GMPR: variants seen among roughly 807,000 people sequenced by gnomAD.
The protein encoded by GMPR is GMP reductase 1.
GMPR carries 31 observed loss-of-function variants against 38.4 expected under a neutral mutation model. The observed-to-expected ratio is 0.81, with a 90% CI of 0.61 to 1.09. The LOEUF is 1.09. Ranked by LOEUF, GMPR falls within the 50% of genes least tolerant of loss-of-function variation. The pLI is 0.00. For missense variants in GMPR, 468 were observed against 453.7 expected (o/e 1.03, Z -0.29); for synonymous variants, 162 against 173.3 (o/e 0.93, Z 0.51).
intron 4 of GMPR, among the ~76,000 whole-genome samples, chr6:16,268,687 A>G (rs1286013420): frequency 6.6e-6 from 1 of 152,082 alleles, no homozygotes; most frequent in African/African-American, 2.4e-5. Flanking sequence ...TATGGAAAGG[A>G]TTTTTCTTGC....
chr6:16,267,265 G>A (rs185044080), intron 4 of GMPR, among the ~76,000 whole-genome samples: 1,683 of 152,156 alleles, frequency 0.011, 14 homozygotes, highest in Non-Finnish European at 0.017. Flanking sequence ...CCAGCTACTC[G>A]GGAGGCTGAG....
chr6:16,258,004 T>A (rs1335113462), intron 4 of GMPR: 2 of 152,196 alleles, frequency 1.3e-5, no homozygotes, highest in African/African-American at 4.8e-5. Context: ...TTTCTGAATC[T>A]CACTTTCCTC....
intron 4 of GMPR, among the ~76,000 whole-genome samples, chr6:16,270,441 C>T (rs1759361416): frequency 6.6e-6 from 1 of 152,200 alleles, no homozygotes; most frequent in African/African-American, 2.4e-5. Context: ...CCGCTCCACA[C>T]CCAAGGTGCT....
intron 4 of GMPR, among the ~76,000 whole-genome samples, chr6:16,266,549 T>A (rs1759237306): frequency 6.6e-6 from 1 of 150,792 alleles, no homozygotes; most frequent in Non-Finnish European, 1.5e-5. Context: ...ACGCCTGTAA[T>A]CCTGGCACTT....
At chr6:16,239,771 C>T (rs1325701262) in intron 1 of GMPR, among the ~76,000 whole-genome samples, 1 of 152,282 alleles carries the variant, frequency 6.6e-6, no homozygotes, top group Non-Finnish European at 1.5e-5. Context: ...AACTGCAGTG[C>T]CTGGGGCTGC....
intron 6 of GMPR, among the ~76,000 whole-genome samples, chr6:16,283,283 C>T (rs148731008): frequency 2.6e-3 from 395 of 152,156 alleles, no homozygotes; most frequent in African/African-American, 9.0e-3. Flanking sequence ...AATTACAAGC[C>T]CAAATGTTGT....
chr6:16,293,482 G>T (rs904472612), intron 8 of GMPR, among the ~76,000 whole-genome samples: 2 of 152,222 alleles, frequency 1.3e-5, no homozygotes, highest in African/African-American at 4.8e-5. Flanking sequence ...TTACCCAAGG[G>T]TAGTCCTGCC....
At chr6:16,276,580 T>C (rs1200959244) in intron 5 of GMPR, among the ~76,000 whole-genome samples, 1 of 152,192 alleles carries the variant, frequency 6.6e-6, no homozygotes, top group Non-Finnish European at 1.5e-5. Flanking sequence ...GTCCTTCTGC[T>C]CTCACTGTAT....
intron 5 of GMPR, among the ~76,000 whole-genome samples, chr6:16,277,798 G>A (rs1198840248): frequency 6.6e-6 from 1 of 152,124 alleles, no homozygotes; most frequent in Non-Finnish European, 1.5e-5. Context: ...TTGGCTAGGC[G>A]GGCTGGTACA....
chr6:16,276,658 C>T (rs1353846835), intron 5 of GMPR, among the ~76,000 whole-genome samples: 7 of 152,158 alleles, frequency 4.6e-5, no homozygotes, highest in Non-Finnish European at 8.8e-5. Context: ...TTTCTCTGAG[C>T]CCAATGCATG....
intron 1 of GMPR, among the ~76,000 whole-genome samples, chr6:16,240,710 A>G (rs1168285013): frequency 6.6e-6 from 1 of 152,208 alleles, no homozygotes; most frequent in African/African-American, 2.4e-5. Context: ...GTCATGCAAC[A>G]CTTGGCTTCA....
At chr6:16,255,877 T>C (rs886793946) in intron 4 of GMPR, among the ~76,000 whole-genome samples, 5 of 152,280 alleles carry the variant, frequency 3.3e-5, no homozygotes, top group African/African-American at 1.2e-4. Flanking sequence ...TTTCAAGGAT[T>C]GTTAAGGATT....
intron 2 of GMPR, among the ~76,000 whole-genome samples, chr6:16,248,288 C>T (rs1327307530): frequency 7.4e-6 from 1 of 135,866 alleles, no homozygotes; most frequent in Non-Finnish European, 1.6e-5. Flanking sequence ...CTGAGAAGTA[C>T]TGTTTGTTAA....
chr6:16,285,131 C>A (rs545522053), intron 6 of GMPR, among the ~76,000 whole-genome samples: 8 of 151,166 alleles, frequency 5.3e-5, no homozygotes, highest in African/African-American at 1.9e-4. Context: ...CCCCCAACAG[C>A]TGAACCTTGC....
intron 6 of GMPR, among the ~76,000 whole-genome samples, chr6:16,283,132 A>T (rs149288137): frequency 6.6e-6 from 1 of 152,308 alleles, no homozygotes; most frequent in East Asian, 1.9e-4. Flanking sequence ...TTTTAAGCAA[A>T]AGAGGCAGGC....
rs569997311 is a variant in GMPR, at chr6:16,290,270, G to A, written c.698-192G>A. The A allele has an allele frequency of 9.2e-6, 6 of 649,300 alleles. No homozygotes were observed. The South Asian group carries it at 1.1e-4, about 12-fold the overall frequency. 40.2% of individuals were successfully genotyped at this position (649,300 alleles called of 1,614,324 possible). A position where few individuals can be genotyped will look rare whatever the true frequency, so the allele number is the denominator to read the frequency against. ...GCATTTGTTTCTCGCAGTGTCCCAT[G>A]GCCCTTTCTCCCTGCATGGAAGCCT... On this transcript the variant is annotated intron_variant, in intron 7 of 8. Transcript: ENST00000259727.
intron 7 of GMPR, chr6:16,289,650 A>G (rs1213390540): frequency 7.0e-6 from 1 of 141,866 alleles, no homozygotes; most frequent in Non-Finnish European, 1.5e-5. Flanking sequence ...CGACTTCCAT[A>G]ACACGGGGAC....
At chr6:16,258,872 G>T (rs984362345) in intron 4 of GMPR, among the ~76,000 whole-genome samples, 2 of 152,172 alleles carry the variant, frequency 1.3e-5, no homozygotes, top group Admixed American at 6.5e-5. Flanking sequence ...GTGTTATTAC[G>T]ATTGTTACAA....
intron 1 of GMPR, among the ~76,000 whole-genome samples, chr6:16,240,857 C>T (rs761610339): frequency 3.3e-5 from 5 of 152,090 alleles, no homozygotes; most frequent in African/African-American, 7.2e-5. Flanking sequence ...TTGCCAGCCA[C>T]GGGCCTGGAG....
Sources: allele counts gnomAD v4.1 joint callset (sites outside exome capture counted in the v4.1 genomes callset), GRCh38; gene constraint gnomAD v4.1.1; transcripts MANE v1.5; gene names NCBI Gene and HGNC (gene_info 2026-07-23, HGNC 2026-07-21).